Variants in XPO1 observed in about 807,000 individuals in gnomAD.
The protein encoded by XPO1 is exportin 1, also known as exportin-1.
XPO1 carries 5 observed loss-of-function variants against 133.3 expected under a neutral mutation model. The observed-to-expected ratio is 0.04, with a 90% CI of 0.02 to 0.08. XPO1 has a LOEUF of 0.08. XPO1 is among the 10% of genes least tolerant of loss of function. The pLI, the probability that XPO1 is intolerant of heterozygous loss-of-function variation, is 1.00. For synonymous variants in XPO1, 419 were observed against 408.2 expected, an observed-to-expected ratio of 1.03 and a Z score of -0.32; for missense variants, 506 against 1,267.5, an observed-to-expected ratio of 0.40 and a Z score of 9.12.
At chr2:61,491,454 AAAC>A (rs1161508136) in intron 16 of XPO1, among the ~76,000 whole-genome samples, 1 of 111,060 alleles carries the variant, frequency 9.0e-6, no homozygotes, top group East Asian at 2.9e-4. Context: ...CCATCTCAAA[AAAC>A]AAACACACAC....
At position 61,483,875 on chromosome 2, in the gene XPO1, A is replaced by G. The variant is rs1456092599; in HGVS notation, c.2677+62T>C. 1.9e-6 allele frequency: 3 copies of G among 1,556,258 alleles called. No homozygotes were observed. The Admixed American group carries it at 5.3e-5, about 27-fold the overall frequency. ...AACAAGTAATACCTTCCTATGTACA[A>G]TTAACTATATTTGTATTTTTGGATT... On this transcript the variant is annotated intron_variant, in intron 21 of 24. Transcript: ENST00000401558.
intron 17 of XPO1, 124 bp downstream of exon 17, chr2:61,490,518 A>C: frequency 7.5e-7 from 1 of 1,338,848 alleles, no homozygotes; most frequent in Non-Finnish European, 1.0e-6. Context: ...AATTATAGAA[A>C]GACACACATA....
At chr2:61,528,738 TATATATATA>T (rs1699024456) in intron 2 of XPO1, among the ~76,000 whole-genome samples, 1 of 4,234 alleles carries the variant, frequency 2.4e-4, no homozygotes, top group Non-Finnish European at 4.0e-4. Context: ...TTTATTTATA[TATATATATA>T]TATATATATA....
chr2:61,481,380 C>G, intron 23 of XPO1, 99 bp from the exon 24 acceptor site: 6 of 691,652 alleles, frequency 8.7e-6, no homozygotes, highest in Non-Finnish European at 1.3e-5. Context: ...ATGATCTCTG[C>G]TCACTGTAAT....
intron 4 of XPO1, among the ~76,000 whole-genome samples, chr2:61,522,068 T>TTA (rs1698721627): frequency 6.6e-6 from 1 of 150,922 alleles, no homozygotes; most frequent in Admixed American, 6.6e-5. Context: ...CATATTTTAT[T>TTA]TATATATATG....
At chr2:61,530,506 A>G (rs907215238) in intron 2 of XPO1, among the ~76,000 whole-genome samples, 6 of 152,292 alleles carry the variant, frequency 3.9e-5, no homozygotes, top group African/African-American at 1.4e-4. Context: ...TCTTTAACAG[A>G]ACACAATATT....
At position 61,478,765 on chromosome 2, in the gene XPO1, G is replaced by A. The variant is rs2104191366; in HGVS notation, c.*55C>T. 6.3e-7 allele frequency: 1 copy of A among 1,578,898 alleles called. No individual in the cohort carries two copies. The highest frequency in any genetic ancestry group is 8.6e-7 in the Non-Finnish European group (1 of 1,159,812). On this transcript the variant is annotated 3_prime_UTR_variant, in exon 25 of 25. Coordinates refer to ENST00000401558, the MANE Select transcript of XPO1 (RefSeq NM_003400.4). ...CATTTTGGTCGACAAATACCCACATGCTGTTTTCCTCTGCTAACGAGTTGC... is the reference window on the plus strand; with the variant it reads ...CATTTTGGTCGACAAATACCCACATACTGTTTTCCTCTGCTAACGAGTTGC...
Position 61,478,775 on chromosome 2 carries a change from T to G in XPO1, c.*45A>C. 1 of 1,596,960 alleles carries G rather than the reference T, an allele frequency of 6.3e-7. No individual in the cohort carries two copies. The highest frequency in any genetic ancestry group is 1.1e-5 in the South Asian group (1 of 88,460). On this transcript the variant is annotated 3_prime_UTR_variant, in exon 25 of 25. Transcript: ENST00000401558. ...GACAAATACCCACATGCTGTTTTCCTCTGCTAACGAGTTGCAGAGAAAAAA... is the reference window on the plus strand; with the variant it reads ...GACAAATACCCACATGCTGTTTTCCGCTGCTAACGAGTTGCAGAGAAAAAA...
chr2:61,520,025 T>TA (rs1698612035), intron 4 of XPO1, among the ~76,000 whole-genome samples: 1 of 152,156 alleles, frequency 6.6e-6, no homozygotes, highest in African/African-American at 2.4e-5. Flanking sequence ...CACTGTGACA[T>TA]ACAGCACTTT....
rs749242771 is a variant in XPO1, at chr2:61,481,266, G to C, written c.2988C>G (p.Leu996=). 6.2e-7 allele frequency: 1 copy of C among 1,609,698 alleles called. No individual in the cohort carries two copies. Among genetic ancestry groups the C allele is most frequent in the Non-Finnish European group, 8.5e-7 (1 of 1,178,654 alleles). The part of the protein sequence containing the change: ...FPHLQDAQVK[L]FVTGLFSLNQ... ...TTAAGCTGAAAAGCCCTGTCACAAA[G>C]AGCTTTACTTGAGCACTGCAAATCA... The change falls in exon 24 of 25, where the codon CTC becomes CTG. Residue 996 remains leucine, a synonymous_variant. Coordinates refer to ENST00000401558, the MANE Select transcript of XPO1 (RefSeq NM_003400.4).
At chr2:61,488,802 CA>C in intron 17 of XPO1, 31 bp from the exon 18 acceptor site, 1 of 1,608,772 alleles carries the variant, frequency 6.2e-7, no homozygotes, top group Non-Finnish European at 8.5e-7. Flanking sequence ...TTCCATTTAT[CA>C]TATAAGAATT....
At chr2:61,526,544 A>G (rs1189733021) in intron 2 of XPO1, 23 bp from the exon 3 acceptor site, 1 of 1,529,982 alleles carries the variant, frequency 6.5e-7, no homozygotes, top group South Asian at 1.3e-5. Flanking sequence ...TAAAAAAAAC[A>G]AAACTTAAGC....
Position 61,512,315 on chromosome 2 carries a change from A to G in XPO1, c.302-10005T>C, listed in dbSNP as rs567727140. Among the ~76,000 whole-genome samples, 3 of 152,312 alleles carry G rather than the reference A, an allele frequency of 2.0e-5. No homozygotes were observed. In the East Asian group the frequency reaches 5.8e-4, roughly 29 times the overall value. On this transcript the variant is annotated intron_variant, in intron 4 of 24. Transcript: ENST00000401558. ...CACTATCAACTTATTAGAAACTTAC[A>G]TTATCATCTAGTTCTGAAAACTTCC...
Position 61,482,544 on chromosome 2 carries a change from T to A in XPO1, c.2813-5A>T. 6.3e-7 allele frequency: 1 copy of A among 1,579,024 alleles called. No homozygotes were observed. Among genetic ancestry groups the A allele is most frequent in the Non-Finnish European group, 8.6e-7 (1 of 1,165,376 alleles). On this transcript the variant is annotated splice_polypyrimidine_tract_variant and splice_region_variant and intron_variant, in intron 22 of 24. Transcript: ENST00000401558. ...TTGATGCATGCATTGTTAAACCTGT[T>A]GATAAGAAGAAAATTATTAACTCCA...
chr2:61,488,856 C>A, intron 17 of XPO1, 85 bp from the exon 18 acceptor site: 1 of 1,444,656 alleles, frequency 6.9e-7, no homozygotes, highest in Admixed American at 2.0e-5. Flanking sequence ...AATCCCAGCA[C>A]TCTGAGAGGC....
At chr2:61,484,328 G>T in intron 20 of XPO1, 1 of 465,262 alleles carries the variant, frequency 2.1e-6, no homozygotes, top group East Asian at 3.8e-5. Flanking sequence ...GAAGGAGAAA[G>T]ACAACCTTTT....
chr2:61,495,310 C>G (rs1043472563), intron 11 of XPO1, 145 bp downstream of exon 11: 6 of 573,952 alleles, frequency 1.0e-5, no homozygotes, highest in Non-Finnish European at 1.5e-5. Context: ...AACTGTAATT[C>G]AGAATTGAGA....
At chr2:61,499,643 AT>A in intron 7 of XPO1, 69 bp downstream of exon 7, 1 of 1,404,636 alleles carries the variant, frequency 7.1e-7, no homozygotes, top group Middle Eastern at 2.6e-4. Flanking sequence ...AATATCTACA[AT>A]TTACATCCAA....
intron 4 of XPO1, among the ~76,000 whole-genome samples, chr2:61,513,410 G>A (rs1698195694): frequency 6.9e-6 from 1 of 145,252 alleles, no homozygotes; most frequent in Non-Finnish European, 1.5e-5. Context: ...CTGTCACCCA[G>A]GCTGGAGGGC....
Sources: gnomAD v4.1 joint callset for allele counts (sites outside exome capture counted in the v4.1 genomes callset) on GRCh38, gnomAD v4.1.1 for gene constraint, MANE v1.5 for transcripts, NCBI Gene and HGNC (gene_info 2026-07-23, HGNC 2026-07-21) for gene names.